Variants in C10orf71 observed in about 807,000 individuals in gnomAD.
C10orf71 encodes cardiac-enriched FHL2-interacting protein.
For synonymous variants in C10orf71, 758 were observed against 726.3 expected (o/e 1.04, Z -0.70); for missense variants, 1,869 against 1,804.5 (o/e 1.04, Z -0.65).
At chr10:49,308,634 C>T (rs1013377459) in intron 1 of C10orf71, among the ~76,000 whole-genome samples, 1 of 152,198 alleles carries the variant, frequency 6.6e-6, no homozygotes, top group Non-Finnish European at 1.5e-5. Flanking sequence ...AAAGCAGTAA[C>T]TTCCCAGGAT....
intron 1 of C10orf71, among the ~76,000 whole-genome samples, chr10:49,309,528 T>C (rs1848874618): frequency 1.3e-5 from 2 of 152,178 alleles, no homozygotes; most frequent in Admixed American, 6.5e-5. Context: ...TCCTAGCCTA[T>C]GATATTTTAG....
At position 49,325,733 on chromosome 10, in the gene C10orf71, G is replaced by A. The variant is rs1226917578; in HGVS notation, c.3188G>A (p.Gly1063Glu). 6.4e-7 allele frequency: 1 copy of A among 1,551,510 alleles called. No homozygotes were observed. The highest frequency in any genetic ancestry group is 8.7e-7 in the Non-Finnish European group (1 of 1,146,882). The change falls in exon 3 of 3, where the codon GGG becomes GAG. Residue 1063 changes from glycine to glutamate, a missense_variant. Transcript: ENST00000374144. ...RANSPNPGSP[G>E]ESSACSPAAS... ...AATTCCCCCAACCCCGGCTCCCCCG[G>A]GGAGAGCAGTGCCTGCTCCCCTGCT... is the stretch of plus-strand genomic sequence containing the variant.
rs866924663 is a variant in C10orf71, at chr10:49,326,067, AC to A, written c.3525del (p.Thr1177GlnfsTer118). 1 of 1,551,598 alleles carries A rather than the reference AC, an allele frequency of 6.4e-7. No homozygotes were observed. Among genetic ancestry groups the A allele is most frequent in the Non-Finnish European group, 8.7e-7 (1 of 1,146,998 alleles). ...RTASKPPAVP[P>X]KTEKALRRAK... is the part of the protein sequence containing the mutation. ...CAGCAAGCAAGCCACCTGCAGTCCC[AC>A]CCAAAACAGAGAAAGCCCTGCGGCG... On this transcript the variant is annotated frameshift_variant, in exon 3 of 3. Transcript: ENST00000374144. LOFTEE classifies it low-confidence loss of function (END_TRUNC).
chr10:49,307,471 C>T (rs903994482), intron 1 of C10orf71, among the ~76,000 whole-genome samples: 3 of 152,374 alleles, frequency 2.0e-5, no homozygotes, highest in South Asian at 2.1e-4. Flanking sequence ...CCATAATGCT[C>T]CACCTCCAGA....
chr10:49,319,733 T>TACAC (rs1200887272), intron 2 of C10orf71, among the ~76,000 whole-genome samples: 1 of 84,988 alleles, frequency 1.2e-5, no homozygotes. Context: ...TATATATATA[T>TACAC]ACACATACAT....
Position 49,305,730 on chromosome 10 carries a change from G to C in C10orf71, c.-248+6497G>C, listed in dbSNP as rs529420589. Among the ~76,000 whole-genome samples the C allele has an allele frequency of 2.8e-4, 43 of 152,312 alleles. No individual in the cohort carries two copies. The South Asian group carries it at 8.9e-3, about 32-fold the overall frequency. On this transcript the variant is annotated intron_variant, in intron 1 of 2. Transcript: ENST00000374144. ...CTGATCAGCCACTGTTTGGGCCTTG[G>C]GTCTCCAATTCTCCATCCAGATGAA...
chr10:49,326,295 C>T lies in C10orf71; in HGVS notation c.3750C>T (p.Phe1250=), dbSNP rs1849242938. ...PPVHRHSVSG[F]SEPVGRRPGG... ...TGCACCGCCACTCCGTGTCCGGCTT[C>T]TCGGAGCCTGTCGGGAGGCGGCCCG... The change falls in exon 3 of 3, where the codon TTC becomes TTT. Residue 1250 remains phenylalanine (F), a synonymous_variant. Transcript: ENST00000374144. 6.5e-7 allele frequency: 1 copy of T among 1,549,798 alleles called. No homozygotes were observed. The highest frequency in any genetic ancestry group is 1.4e-5 in the African/African-American group (1 of 73,046).
Position 49,326,493 on chromosome 10 carries a change from G to A in C10orf71, c.3948G>A (p.Glu1316=). 6.5e-7 allele frequency: 1 copy of A among 1,550,308 alleles called. No homozygotes were observed. Among genetic ancestry groups the A allele is most frequent in the Non-Finnish European group, 8.7e-7 (1 of 1,146,732 alleles). ...TCAAGGTCTCCATCCCGTCCTCCGA[G>A]GGGGCCTCCCCAGAGCCGCCCCCAC... ...KYVKVSIPSS[E]GASPEPPPPD... The change falls in exon 3 of 3, where the codon GAG becomes GAA. Residue 1316 remains glutamate (E), a synonymous_variant. Coordinates refer to ENST00000374144, the MANE Select transcript of C10orf71 (RefSeq NM_001135196.2).
chr10:49,322,638 C>A lies in C10orf71; in HGVS notation c.93C>A (p.Ser31Arg), dbSNP rs537540398. 1.2e-6 allele frequency: 2 copies of A among 1,613,462 alleles called. No homozygotes were observed. The highest frequency in any genetic ancestry group is 1.3e-5 in the African/African-American group (1 of 75,034). Residue 31 changes from serine (S) to arginine (R), a missense_variant, in exon 3 of 3, where the codon AGC (serine) becomes AGA (arginine). Coordinates refer to ENST00000374144, the MANE Select transcript of C10orf71 (RefSeq NM_001135196.2). ...VLDDADREVS[S>R]LTDRAFRSLC... ...ATGATGCAGACAGGGAGGTGAGCAG[C>A]CTAACAGACCGGGCATTCCGGAGTT...
chr10:49,303,867 G>C (rs1323759584), intron 1 of C10orf71, among the ~76,000 whole-genome samples: 1 of 152,092 alleles, frequency 6.6e-6, no homozygotes, highest in Non-Finnish European at 1.5e-5. Flanking sequence ...CCTTCCCCTG[G>C]CTGAGCCGCC....
At position 49,323,986 on chromosome 10, in the gene C10orf71, A is replaced by G. The variant is rs757737048; in HGVS notation, c.1441A>G (p.Lys481Glu). Reference sequence around the variant, plus strand: ...AGGACAGCTAAACGGATACCAAGAGAAGGAGCCCAGTGAATGTCAGTCTCG... The same window carrying G: ...AGGACAGCTAAACGGATACCAAGAGGAGGAGCCCAGTGAATGTCAGTCTCG... ...PPGQLNGYQE[K>E]EPSECQSRDS... The change falls in exon 3 of 3, where the codon AAG (lysine) becomes GAG (glutamate). Residue 481 changes from lysine to glutamate, a missense_variant. Coordinates refer to ENST00000374144, the MANE Select transcript of C10orf71 (RefSeq NM_001135196.2). The G allele has an allele frequency of 1.2e-6, 2 of 1,613,662 alleles. No individual in the cohort carries two copies. Among genetic ancestry groups the G allele is most frequent in the Non-Finnish European group, 1.7e-6 (2 of 1,179,758 alleles).
At chr10:49,302,067 C>T (rs1848737987) in intron 1 of C10orf71, among the ~76,000 whole-genome samples, 1 of 152,200 alleles carries the variant, frequency 6.6e-6, no homozygotes, top group Admixed American at 6.5e-5. Context: ...TCTGGGATAT[C>T]TCCCACCTCA....
At chr10:49,312,521 G>T (rs918046022) in intron 1 of C10orf71, among the ~76,000 whole-genome samples, 2 of 152,200 alleles carry the variant, frequency 1.3e-5, no homozygotes, top group East Asian at 1.9e-4. Flanking sequence ...TGTAAACAGA[G>T]CCCCAGGTAA....
At chr10:49,312,840 A>C (rs1266141531) in intron 1 of C10orf71, among the ~76,000 whole-genome samples, 1 of 152,240 alleles carries the variant, frequency 6.6e-6, no homozygotes, top group East Asian at 1.9e-4. Context: ...AAAGTAAATA[A>C]AATCCACTTG....
chr10:49,305,808 G>A (rs370711684), intron 1 of C10orf71, among the ~76,000 whole-genome samples: 3 of 152,238 alleles, frequency 2.0e-5, no homozygotes, highest in African/African-American at 7.2e-5. Context: ...AATTAGGGAT[G>A]CCTAAAATTT....
At chr10:49,309,971 T>G (rs547879777) in intron 1 of C10orf71, among the ~76,000 whole-genome samples, 1 of 152,332 alleles carries the variant, frequency 6.6e-6, no homozygotes, top group South Asian at 2.1e-4. Flanking sequence ...GTAATTAAAT[T>G]CACCCGAAGA....
chr10:49,324,526 G>A lies in C10orf71; in HGVS notation c.1981G>A (p.Glu661Lys). The change falls in exon 3 of 3, where the codon GAG becomes AAG. Residue 661 changes from glutamate to lysine, a missense_variant. Coordinates refer to ENST00000374144, the MANE Select transcript of C10orf71 (RefSeq NM_001135196.2). ...NRDPEPGGATEKMKTHQLENG... is the reference protein window; with the variant it reads ...NRDPEPGGATKKMKTHQLENG... ...GGATCCTGAGCCTGGAGGGGCTACA[G>A]AGAAAATGAAGACCCACCAGCTAGA... 1.9e-6 allele frequency: 3 copies of A among 1,613,148 alleles called. No homozygotes were observed. Among genetic ancestry groups the A allele is most frequent in the Non-Finnish European group, 1.7e-6 (2 of 1,179,500 alleles).
chr10:49,320,046 C>T (rs189839506), intron 2 of C10orf71, among the ~76,000 whole-genome samples: 16 of 152,112 alleles, frequency 1.1e-4, no homozygotes, highest in Admixed American at 9.8e-4. Flanking sequence ...TGAAAGAGTC[C>T]TGGAGATTGA....
At chr10:49,317,113 T>C (rs1849011901) in intron 2 of C10orf71, among the ~76,000 whole-genome samples, 3 of 152,164 alleles carry the variant, frequency 2.0e-5, no homozygotes, top group Non-Finnish European at 1.5e-5. Context: ...AGTTCAGCCA[T>C]TGCCAAGATC....
Sources: allele counts gnomAD v4.1 joint callset (sites outside exome capture counted in the v4.1 genomes callset), GRCh38; gene constraint gnomAD v4.1.1; transcripts MANE v1.5; gene names NCBI Gene and HGNC (gene_info 2026-07-23, HGNC 2026-07-21).